Variants in TDRD7 observed in about 807,000 individuals in gnomAD.
TDRD7 encodes tudor domain-containing protein 7.
Under a neutral mutation model 109.8 loss-of-function variants are expected in TDRD7, and 47 were observed. That is an observed-to-expected ratio of 0.43 (90% CI 0.34 to 0.55). The LOEUF (loss-of-function observed/expected upper bound fraction) is 0.55. Among genes scored for constraint, TDRD7 ranks in the 20% least tolerant of loss-of-function variants. TDRD7 has a pLI of 0.03. For synonymous variants in TDRD7, 424 were observed against 457.3 expected, an observed-to-expected ratio of 0.93 and a Z score of 0.93; for missense variants, 1,164 against 1,319.2, an observed-to-expected ratio of 0.88 and a Z score of 1.82.
intron 6 of TDRD7, among the ~76,000 whole-genome samples, chr9:97,449,567 C>T (rs1343944140): frequency 6.6e-6 from 1 of 152,200 alleles, no homozygotes; most frequent in Non-Finnish European, 1.5e-5. Context: ...GGGGAAGCAG[C>T]ATGGAGTCTC....
At chr9:97,447,118 A>G (rs1208423130) in intron 6 of TDRD7, among the ~76,000 whole-genome samples, 1 of 152,226 alleles carries the variant, frequency 6.6e-6, no homozygotes, top group Non-Finnish European at 1.5e-5. Flanking sequence ...TGAGTAGAAA[A>G]AAGATAAAAT....
At chr9:97,489,580 T>G (rs1829266624) in intron 16 of TDRD7, among the ~76,000 whole-genome samples, 1 of 151,474 alleles carries the variant, frequency 6.6e-6, no homozygotes, top group Admixed American at 6.6e-5. Flanking sequence ...TTGAGTCTTA[T>G]TTTTTTTTAT....
chr9:97,474,646 T>C (rs1472660004), intron 11 of TDRD7, among the ~76,000 whole-genome samples: 1 of 152,240 alleles, frequency 6.6e-6, no homozygotes, highest in African/African-American at 2.4e-5. Flanking sequence ...ATTTTAAGTC[T>C]ATCTTTGAAA....
chr9:97,420,828 T>A (rs1350384219), intron 1 of TDRD7, among the ~76,000 whole-genome samples: 1 of 152,206 alleles, frequency 6.6e-6, no homozygotes, highest in Non-Finnish European at 1.5e-5. Context: ...GTGTATACTT[T>A]ACTTTGTAAG....
intron 6 of TDRD7, among the ~76,000 whole-genome samples, chr9:97,442,753 A>G (rs1828331434): frequency 6.6e-6 from 1 of 151,906 alleles, no homozygotes; most frequent in Admixed American, 6.6e-5. Flanking sequence ...AGTGTAGGGC[A>G]TTCCCTCTTT....
At chr9:97,476,487 G>A (rs993623334) in intron 12 of TDRD7, among the ~76,000 whole-genome samples, 3 of 151,152 alleles carry the variant, frequency 2.0e-5, no homozygotes, top group Admixed American at 1.3e-4. Context: ...AGGCCAAGGC[G>A]GGAGGATCAC....
chr9:97,432,446 A>G (rs954616149), intron 4 of TDRD7, among the ~76,000 whole-genome samples: 6 of 152,198 alleles, frequency 3.9e-5, no homozygotes, highest in Admixed American at 1.3e-4. Context: ...TGTATTGTCA[A>G]TCTCTCCTTG....
At chr9:97,475,548 A>G in intron 12 of TDRD7, 79 bp downstream of exon 12, 1 of 989,694 alleles carries the variant, frequency 1.0e-6, no homozygotes, top group Non-Finnish European at 1.6e-6. Context: ...TTTTTAAAAA[A>G]TTGAATAAAT....
At chr9:97,451,563 A>T (rs542336341) in intron 6 of TDRD7, among the ~76,000 whole-genome samples, 115 of 152,348 alleles carry the variant, frequency 7.5e-4, no homozygotes, top group African/African-American at 2.7e-3. Context: ...AAGTGCTGGG[A>T]TTATAGGCGT....
chr9:97,440,275 T>C (rs1828279739), intron 5 of TDRD7, among the ~76,000 whole-genome samples: 1 of 152,160 alleles, frequency 6.6e-6, no homozygotes, highest in Non-Finnish European at 1.5e-5. Flanking sequence ...TAGGCACACA[T>C]GTGTACACAA....
chr9:97,490,572 C>T (rs1273006244), intron 16 of TDRD7, among the ~76,000 whole-genome samples: 3 of 140,200 alleles, frequency 2.1e-5, no homozygotes, highest in East Asian at 2.1e-4. Flanking sequence ...ATTTATCTTG[C>T]TTGGTGTTCT....
chr9:97,423,581 T>TTC (rs146555286), intron 1 of TDRD7, among the ~76,000 whole-genome samples: 11,076 of 152,176 alleles, frequency 0.073, 639 homozygotes, highest in African/African-American at 0.16. Flanking sequence ...TGATATAAAT[T>TTC]TCTCTTTTTG....
intron 4 of TDRD7, among the ~76,000 whole-genome samples, chr9:97,433,452 C>T (rs531728190): frequency 1.3e-5 from 2 of 152,048 alleles, no homozygotes; most frequent in East Asian, 3.9e-4. Flanking sequence ...TTCAGCAATA[C>T]ATTTTGAATG....
In TDRD7 at chr9:97,460,774, A is replaced by G; in HGVS notation, c.1442+10A>G. 1 of 1,609,234 alleles carries G rather than the reference A, an allele frequency of 6.2e-7. No homozygotes were observed. Among genetic ancestry groups the G allele is most frequent in the Non-Finnish European group, 8.5e-7 (1 of 1,175,726 alleles). The stretch of plus-strand genomic sequence containing the variant: ...ATGAAGTGGTTATCAGGCAAGTTTC[A>G]TTTTCTAATTCTTTAGGATTCTGAT... On this transcript the variant is annotated intron_variant, in intron 7 of 16. Transcript: ENST00000355295.
chr9:97,424,272 T>A (rs2118250942), intron 1 of TDRD7, among the ~76,000 whole-genome samples: 1 of 152,128 alleles, frequency 6.6e-6, no homozygotes, highest in South Asian at 2.1e-4. Context: ...GCCAGACTGA[T>A]CTTGAACTCC....
chr9:97,449,676 A>G (rs1271106145), intron 6 of TDRD7, among the ~76,000 whole-genome samples: 2 of 152,150 alleles, frequency 1.3e-5, no homozygotes, highest in Non-Finnish European at 2.9e-5. Flanking sequence ...TGATTAAACC[A>G]TTGACCATTG....
At chr9:97,432,333 A>G (rs1252664387) in intron 4 of TDRD7, 95 bp downstream of exon 4, 18 of 1,127,466 alleles carry the variant, frequency 1.6e-5, no homozygotes. Flanking sequence ...TTTCTATTTT[A>G]TCTAAGTTCA....
chr9:97,432,326 C>G, intron 4 of TDRD7, 88 bp downstream of exon 4: 1 of 1,181,228 alleles, frequency 8.5e-7, no homozygotes, highest in East Asian at 2.4e-5. Context: ...GAAACACTTT[C>G]TATTTTATCT....
chr9:97,438,527 CACAA>C (rs1490419941), intron 4 of TDRD7, among the ~76,000 whole-genome samples: 24 of 152,270 alleles, frequency 1.6e-4, no homozygotes, highest in Non-Finnish European at 3.1e-4. Flanking sequence ...CACTTGGGAA[CACAA>C]ACAATTAAGA....
Sources: allele counts gnomAD v4.1 joint callset (sites outside exome capture counted in the v4.1 genomes callset), GRCh38; gene constraint gnomAD v4.1.1; transcripts MANE v1.5; gene names NCBI Gene and HGNC (gene_info 2026-07-23, HGNC 2026-07-21).